GABPB2: variants seen among roughly 807,000 people sequenced by gnomAD.
GABPB2 encodes GA binding protein transcription factor subunit beta 2, also known as GA-binding protein subunit beta-2.
In GABPB2, 23 loss-of-function variants were observed where a neutral mutation model predicts 39.1. The observed-to-expected ratio is 0.59, with a 90% CI of 0.42 to 0.83. The LOEUF (loss-of-function observed/expected upper bound fraction) is 0.83. Among genes scored for constraint, GABPB2 ranks in the 40% least tolerant of loss-of-function variants. The probability of loss-of-function intolerance (pLI) is 0.00; values close to 1 mark genes in which losing one functional copy is unlikely to be tolerated. For synonymous variants in GABPB2, 184 were observed against 199.3 expected, an observed-to-expected ratio of 0.92 and a Z score of 0.65; for missense variants, 467 against 541.1, an observed-to-expected ratio of 0.86 and a Z score of 1.36.
chr1:151,093,557 A>T (rs1678878771), intron 4 of GABPB2, among the ~76,000 whole-genome samples, 171 bp downstream of exon 4: 1 of 151,312 alleles, frequency 6.6e-6, no homozygotes, highest in African/African-American at 2.4e-5. Flanking sequence ...CTATGTATAG[A>T]ATATATATTT....
At chr1:151,096,108 AG>A (rs1049828250) in intron 4 of GABPB2, among the ~76,000 whole-genome samples, 2 of 151,270 alleles carry the variant, frequency 1.3e-5, no homozygotes, top group African/African-American at 4.9e-5. Flanking sequence ...CTCTTAGTCA[AG>A]GGGATAATTA....
chr1:151,086,702 C>T (rs1678227864), intron 1 of GABPB2, among the ~76,000 whole-genome samples: 1 of 150,724 alleles, frequency 6.6e-6, no homozygotes, highest in East Asian at 1.9e-4. Context: ...AGATCTGGCT[C>T]TGTTGCCCAG....
At chr1:151,107,667 G>A (rs1222708675) in intron 7 of GABPB2, among the ~76,000 whole-genome samples, 3 of 152,082 alleles carry the variant, frequency 2.0e-5, no homozygotes, top group East Asian at 3.8e-4. Context: ...TGGGTGAGGC[G>A]GCTCACGGCT....
intron 7 of GABPB2, among the ~76,000 whole-genome samples, chr1:151,116,783 A>T (rs1389099599): frequency 1.3e-5 from 2 of 151,194 alleles, no homozygotes; most frequent in African/African-American, 4.9e-5. Flanking sequence ...AATTTTTTGT[A>T]TTTTTTTTGC....
Position 151,118,101 on chromosome 1 carries a change from A to T in GABPB2, c.1192A>T (p.Asn398Tyr). The change falls in exon 9 of 9, where the codon AAT (asparagine) becomes TAT (tyrosine). Residue 398 changes from asparagine to tyrosine, a missense_variant. Coordinates refer to ENST00000368918, the MANE Select transcript of GABPB2 (RefSeq NM_144618.3). ...KLEAIARQQP[N>Y]GVDFTMVEEV... ...GGAGGCCATAGCCCGACAGCAGCCC[A>T]ATGGAGTTGATTTCACCATGGTTGA... The T allele has an allele frequency of 2.5e-6, 4 of 1,614,124 alleles. 1 individual carries two copies. In the South Asian group the frequency reaches 4.4e-5, roughly 18 times the overall value.
intron 1 of GABPB2, among the ~76,000 whole-genome samples, chr1:151,082,178 G>A (rs1677774102): frequency 6.7e-6 from 1 of 149,376 alleles, no homozygotes; most frequent in Non-Finnish European, 1.5e-5. Flanking sequence ...CCGGGTCCAA[G>A]CGATTCTTCT....
rs1459531659 is a variant in GABPB2 at position 151,074,714 on chromosome 1, GAAC to G, written c.-1+3784_-1+3786del. On this transcript the variant is annotated intron_variant, in intron 1 of 8. Coordinates refer to ENST00000368918, the MANE Select transcript of GABPB2 (RefSeq NM_144618.3). ...GGCACTGGTGGGAGTGTAGCAGAGA[GAAC>G]AACCAGAGGTCACTCTTGTCCTCTT... Among the ~76,000 whole-genome samples the G allele has an allele frequency of 2.0e-5, 3 of 152,140 alleles. No individual in the cohort carries two copies. The East Asian group carries it at 5.8e-4, about 29-fold the overall frequency.
chr1:151,111,517 G>T (rs1488354223), intron 7 of GABPB2, among the ~76,000 whole-genome samples: 8 of 151,896 alleles, frequency 5.3e-5, no homozygotes, highest in Non-Finnish European at 8.8e-5. Flanking sequence ...CCACCTCCCG[G>T]GTTGACGCCA....
In GABPB2 at chr1:151,075,715, A is replaced by AC. The variant is rs200243260; in HGVS notation, c.-1+4789dup. 1.7e-4 allele frequency among the ~76,000 whole-genome samples: 25 copies of AC among 145,562 alleles called. 1 individual carries two copies. The highest frequency in any genetic ancestry group is 1.4e-3 in the Admixed American group (20 of 14,394). On this transcript the variant is annotated intron_variant, in intron 1 of 8. Transcript: ENST00000368918. ...CAGAGCGAGACTTCATCTCAAAAAA[A>AC]CCCCCCCCAAAAAAACCCAAAAAAA...
Position 151,085,224 on chromosome 1 carries a change from C to T in GABPB2, c.1-2966C>T, listed in dbSNP as rs12068012. 7.6e-3 allele frequency among the ~76,000 whole-genome samples: 1,152 copies of T among 151,746 alleles called. 10 individuals are homozygous for T. The highest frequency in any genetic ancestry group is 0.024 in the African/African-American group (997 of 41,420). On this transcript the variant is annotated intron_variant, in intron 1 of 8. Transcript: ENST00000368918. ...ACCAGCCTGACCAGCATGGCAAAAC[C>T]CCTCTCTACTAAAAATAAAAAAATT...
Position 151,097,988 on chromosome 1 carries a change from C to A in GABPB2, c.608C>A (p.Thr203Asn). 2 of 1,613,882 alleles carry A rather than the reference C, an allele frequency of 1.2e-6. No individual in the cohort carries two copies. The highest frequency in any genetic ancestry group is 1.7e-6 in the Non-Finnish European group (2 of 1,179,922). The part of the protein sequence containing the change: ...NLASLISSTN[T>N]KTTSGDPHAS... ...GCAAGCCTTATTTCTTCAACCAACA[C>A]CAAAACAACCTCAGGTAATGTTCTG... The change falls in exon 5 of 9, where the codon ACC becomes AAC. Residue 203 changes from threonine (T) to asparagine (N), a missense_variant. Transcript: ENST00000368918.
At chr1:151,079,762 G>A (rs1677495296) in intron 1 of GABPB2, among the ~76,000 whole-genome samples, 1 of 151,762 alleles carries the variant, frequency 6.6e-6, no homozygotes, top group African/African-American at 2.4e-5. Context: ...TGGGCATGGT[G>A]ACACATGCCT....
chr1:151,110,047 A>G (rs1680298107), intron 7 of GABPB2, among the ~76,000 whole-genome samples: 1 of 87,730 alleles, frequency 1.1e-5, no homozygotes, highest in Admixed American at 1.8e-4. Flanking sequence ...TTTTTTGCAG[A>G]GACAGGGTTT....
intron 5 of GABPB2, 87 bp from the exon 6 acceptor site, chr1:151,103,475 G>A (rs1288604237): frequency 3.7e-6 from 3 of 806,362 alleles, no homozygotes; most frequent in East Asian, 5.0e-5. Context: ...AGAAGGAAAA[G>A]CTGAGGTTTT....
chr1:151,083,819 G>A (rs1677925725), intron 1 of GABPB2, among the ~76,000 whole-genome samples: 2 of 150,784 alleles, frequency 1.3e-5, no homozygotes. Context: ...TTGGCTCACT[G>A]CAACCTCCAC....
At chr1:151,072,574 G>C (rs1443826628) in intron 1 of GABPB2, among the ~76,000 whole-genome samples, 1 of 151,216 alleles carries the variant, frequency 6.6e-6, no homozygotes, top group Non-Finnish European at 1.5e-5. Flanking sequence ...GGCCGGGCGT[G>C]GTGGCTCTGG....
At chr1:151,099,703 A>C (rs1418640461) in intron 5 of GABPB2, among the ~76,000 whole-genome samples, 2 of 152,232 alleles carry the variant, frequency 1.3e-5, no homozygotes, top group African/African-American at 2.4e-5. Context: ...AAAAGAGAAG[A>C]AGCAATGTAT....
rs1018151011 is a variant in GABPB2 at position 151,118,476 on chromosome 1, A to C, written c.*220A>C. 15 of 478,282 alleles carry C rather than the reference A, an allele frequency of 3.1e-5. No homozygotes were observed. Among genetic ancestry groups the C allele is most frequent in the African/African-American group, 2.7e-4 (14 of 51,974 alleles). 29.6% of individuals were successfully genotyped at this position (478,282 alleles called of 1,614,324 possible). On this transcript the variant is annotated 3_prime_UTR_variant, in exon 9 of 9. Transcript: ENST00000368918. The stretch of plus-strand genomic sequence containing the variant: ...GAGGGGCCAAAAGAATAAAGGACCA[A>C]ATTTCTTAGCTCATATCATTGCTTT...
intron 3 of GABPB2, among the ~76,000 whole-genome samples, chr1:151,091,819 G>A (rs1678736267): frequency 6.6e-6 from 1 of 151,992 alleles, no homozygotes; most frequent in Non-Finnish European, 1.5e-5. Flanking sequence ...TCACTCTTTT[G>A]TCCTGGCTGG....
Sources: gnomAD v4.1 joint callset for allele counts (sites outside exome capture counted in the v4.1 genomes callset) on GRCh38, gnomAD v4.1.1 for gene constraint, MANE v1.5 for transcripts, NCBI Gene and HGNC (gene_info 2026-07-23, HGNC 2026-07-21) for gene names.